DIAPH2: variants seen among roughly 807,000 people sequenced by gnomAD.
DIAPH2 encodes the protein diaphanous related formin 2, also known as protein diaphanous homolog 2.
DIAPH2 carries 35 observed loss-of-function variants against 92.7 expected under a neutral mutation model. The observed-to-expected ratio is 0.38, with a 90% CI of 0.29 to 0.50. The LOEUF (loss-of-function observed/expected upper bound fraction) is 0.50. DIAPH2 is among the 20% of genes least tolerant of loss of function. The probability of loss-of-function intolerance (pLI) is 0.94; values close to 1 mark genes in which losing one functional copy is unlikely to be tolerated. For synonymous variants in DIAPH2, 301 were observed against 280.4 expected, an observed-to-expected ratio of 1.07 and a Z score of -0.73; for missense variants, 701 against 819.5, an observed-to-expected ratio of 0.86 and a Z score of 1.77.
At chrX:96,813,056 G>C (rs758914171) in intron 4 of DIAPH2, among the ~76,000 whole-genome samples, 1 of 111,684 alleles carries the variant, frequency 9.0e-6, no homozygotes, top group South Asian at 3.8e-4. Flanking sequence ...GCAGAGCTGA[G>C]TTTAAGTGCT....
chrX:96,945,713 G>A (rs1183218557), intron 14 of DIAPH2, 122 bp downstream of exon 14: 1 of 448,058 alleles, frequency 2.2e-6, no homozygotes, highest in Non-Finnish European at 3.5e-6. Context: ...TTATACTTTT[G>A]GGTTCAAACA....
chrX:97,476,685 C>T (rs145923991), intron 26 of DIAPH2, among the ~76,000 whole-genome samples: 110 of 108,792 alleles, frequency 1.0e-3, no homozygotes, highest in African/African-American at 3.6e-3. Context: ...CATGGCCGGG[C>T]GCCGTGGCTC....
chrX:97,555,031 G>A (rs7890742), intron 26 of DIAPH2, among the ~76,000 whole-genome samples: 48,829 of 105,059 alleles, frequency 0.46, 8,192 homozygotes, highest in Non-Finnish European at 0.51. Flanking sequence ...CAGACCAAGT[G>A]TTATGAATTG....
chrX:96,780,620 T>A (rs991003012), intron 4 of DIAPH2, among the ~76,000 whole-genome samples: 12 of 109,755 alleles, frequency 1.1e-4, no homozygotes, highest in African/African-American at 3.7e-4. Context: ...TAACTGGGAC[T>A]ATAAGTGTGT....
At chrX:97,101,413 A>T (rs2066905194) in intron 20 of DIAPH2, among the ~76,000 whole-genome samples, 1 of 111,283 alleles carries the variant, frequency 9.0e-6, no homozygotes, top group Admixed American at 9.6e-5. Context: ...AATGGAAGAG[A>T]TTTCTTGTTT....
chrX:96,824,386 TAAAACA>T (rs761762245), intron 4 of DIAPH2, among the ~76,000 whole-genome samples: 1 of 110,195 alleles, frequency 9.1e-6, no homozygotes, highest in African/African-American at 3.3e-5. Flanking sequence ...ATGTGAAGAG[TAAAACA>T]AAAACAAGTC....
At chrX:96,929,924 A>C (rs1188602944) in intron 9 of DIAPH2, among the ~76,000 whole-genome samples, 5 of 111,028 alleles carry the variant, frequency 4.5e-5, no homozygotes, top group Non-Finnish European at 9.5e-5. Flanking sequence ...AATTTATGGA[A>C]TACCTGGCAC....
At chrX:97,060,068 A>T (rs2066586645) in intron 17 of DIAPH2, among the ~76,000 whole-genome samples, 1 of 112,548 alleles carries the variant, frequency 8.9e-6, no homozygotes, top group South Asian at 3.6e-4. Flanking sequence ...TTTTGTTCCA[A>T]ATTTTACGTA....
intron 13 of DIAPH2, among the ~76,000 whole-genome samples, chrX:96,945,152 TAA>T (rs996409819): frequency 1.8e-5 from 2 of 111,213 alleles, no homozygotes; most frequent in African/African-American, 6.5e-5. Flanking sequence ...TGAATCTTGC[TAA>T]GACTATTCAT....
chrX:96,726,718 T>G (rs2064022019), intron 1 of DIAPH2, among the ~76,000 whole-genome samples: 1 of 112,354 alleles, frequency 8.9e-6, no homozygotes, highest in African/African-American at 3.2e-5. Flanking sequence ...CTGGACTGTG[T>G]AATTTATTAT....
intron 14 of DIAPH2, among the ~76,000 whole-genome samples, chrX:96,947,844 A>G (rs184506786): frequency 1.8e-5 from 2 of 112,278 alleles, no homozygotes; most frequent in South Asian, 3.7e-4. Flanking sequence ...TAAAGGGCAA[A>G]TAAAATGTTC....
In DIAPH2 at chrX:96,965,996, C is replaced by T. The variant is rs1319541117; in HGVS notation, c.2050+789C>T. The stretch of plus-strand genomic sequence containing the variant: ...ATGGAAATAATCCATACTCTCATGC[C>T]CTTGGAATTAGCACCTTTATCATTC... On this transcript the variant is annotated intron_variant, in intron 17 of 26. Coordinates refer to ENST00000324765, the MANE Select transcript of DIAPH2 (RefSeq NM_006729.5). 2.7e-5 allele frequency among the ~76,000 whole-genome samples: 3 copies of T among 111,359 alleles called. No individual in the cohort carries two copies. The East Asian group carries it at 8.4e-4, about 31-fold the overall frequency.
intron 4 of DIAPH2, among the ~76,000 whole-genome samples, chrX:96,858,363 A>T (rs905452747): frequency 2.7e-5 from 3 of 111,980 alleles, no homozygotes; most frequent in Admixed American, 9.5e-5. Flanking sequence ...TCCATGTGGC[A>T]TGGCTGTAGA....
At chrX:97,104,498 C>T (rs1352730879) in intron 20 of DIAPH2, among the ~76,000 whole-genome samples, 2 of 110,040 alleles carry the variant, frequency 1.8e-5, no homozygotes, top group African/African-American at 6.6e-5. Context: ...TAGTGATCCT[C>T]CCACCTCAAC....
intron 26 of DIAPH2, among the ~76,000 whole-genome samples, chrX:97,452,074 A>C (rs1299818389): frequency 1.8e-5 from 2 of 111,474 alleles, no homozygotes; most frequent in African/African-American, 6.5e-5. Context: ...AAAATATTTA[A>C]ATATATAACA....
chrX:96,854,630 T>C lies in DIAPH2; in HGVS notation c.448-26949T>C, dbSNP rs747075774. On this transcript the variant is annotated intron_variant, in intron 4 of 26. Transcript: ENST00000324765. ...ATATATATATATATATATATATATA[T>C]ATATATATATATCCATCTGATAGCC... Among the ~76,000 whole-genome samples the C allele has an allele frequency of 7.5e-5, 6 of 80,373 alleles. 1 individual carries two copies. Among genetic ancestry groups the C allele is most frequent in the East Asian group, 8.1e-4 (2 of 2,476 alleles). The allele number at this position is 80,373 out of a possible 115,157, so 69.8% of individuals were successfully genotyped here. A position where few individuals can be genotyped will look rare whatever the true frequency, so the allele number is the denominator to read the frequency against.
At chrX:97,272,881 C>T (rs184287300) in intron 23 of DIAPH2, among the ~76,000 whole-genome samples, 1 of 112,253 alleles carries the variant, frequency 8.9e-6, no homozygotes, top group Non-Finnish European at 1.9e-5. Flanking sequence ...GTTGGCTGAG[C>T]GCAGTGGCTC....
chrX:97,523,708 A>C (rs2071006202), intron 26 of DIAPH2, among the ~76,000 whole-genome samples: 1 of 111,760 alleles, frequency 8.9e-6, no homozygotes, highest in Admixed American at 9.6e-5. Context: ...TTGCTCATTA[A>C]AAATAGTACT....
At chrX:97,182,550 A>AT (rs1390635920) in intron 22 of DIAPH2, among the ~76,000 whole-genome samples, 1 of 111,615 alleles carries the variant, frequency 9.0e-6, no homozygotes. Flanking sequence ...GACCCCACTT[A>AT]TTATTAGGTT....
Sources: gnomAD v4.1 joint callset for allele counts (sites outside exome capture counted in the v4.1 genomes callset) on GRCh38, gnomAD v4.1.1 for gene constraint, MANE v1.5 for transcripts, NCBI Gene and HGNC (gene_info 2026-07-23, HGNC 2026-07-21) for gene names.